Variants in PCDH9 observed in about 807,000 individuals in gnomAD.
PCDH9 encodes the protein protocadherin 9, also known as protocadherin-9.
Under a neutral mutation model 70.6 loss-of-function variants are expected in PCDH9, and 24 were observed. The ratio of observed to expected loss-of-function variants is 0.34; its 90% CI spans 0.25 to 0.48. The LOEUF (loss-of-function observed/expected upper bound fraction) is 0.48, where lower values mean the gene tolerates loss of function less well. Among genes scored for constraint, PCDH9 ranks in the 20% least tolerant of loss-of-function variants. PCDH9 has a pLI of 0.99. For missense variants in PCDH9, 1,281 were observed against 1,503.6 expected, an observed-to-expected ratio of 0.85 and a Z score of 2.45; for synonymous variants, 562 against 558.5, an observed-to-expected ratio of 1.01 and a Z score of -0.09.
chr13:66,378,593 C>T (rs1258714993), intron 4 of PCDH9, among the ~76,000 whole-genome samples: 2 of 152,138 alleles, frequency 1.3e-5, no homozygotes, highest in Admixed American at 1.3e-4. Context: ...TCTAGAATTT[C>T]TTCACCTAGA....
chr13:66,733,807 A>G (rs1410670197), intron 3 of PCDH9, among the ~76,000 whole-genome samples: 1 of 151,998 alleles, frequency 6.6e-6, no homozygotes, highest in Non-Finnish European at 1.5e-5. Context: ...TTTTGTATTC[A>G]TATTCTTACT....
At chr13:66,909,757 G>T (rs774702797) in intron 2 of PCDH9, among the ~76,000 whole-genome samples, 1 of 152,158 alleles carries the variant, frequency 6.6e-6, no homozygotes, top group Non-Finnish European at 1.5e-5. Context: ...TCCTCCAACT[G>T]AACTCTTGGC....
intron 4 of PCDH9, among the ~76,000 whole-genome samples, chr13:66,541,478 A>G (rs1251849357): frequency 1.3e-5 from 2 of 152,040 alleles, no homozygotes; most frequent in Non-Finnish European, 2.9e-5. Context: ...AGGCACTAGG[A>G]AAAAAAATAT....
chr13:66,468,608 A>C (rs773941261), intron 4 of PCDH9, among the ~76,000 whole-genome samples: 3 of 152,122 alleles, frequency 2.0e-5, no homozygotes, highest in Non-Finnish European at 4.4e-5. Flanking sequence ...GTTTCCCAGA[A>C]AGCACATTGC....
chr13:67,103,887 C>T (rs539016360), intron 2 of PCDH9, among the ~76,000 whole-genome samples: 3 of 152,164 alleles, frequency 2.0e-5, no homozygotes, highest in East Asian at 1.9e-4. Context: ...GCTAAGTGAA[C>T]GACTTTGAAT....
intron 4 of PCDH9, among the ~76,000 whole-genome samples, chr13:66,597,478 G>A (rs1034104174): frequency 6.6e-6 from 1 of 151,782 alleles, no homozygotes; most frequent in Non-Finnish European, 1.5e-5. Context: ...ACACAATGGG[G>A]AAAGGATAGT....
At chr13:67,158,038 C>A (rs963469219) in intron 2 of PCDH9, among the ~76,000 whole-genome samples, 6 of 152,142 alleles carry the variant, frequency 3.9e-5, no homozygotes, top group African/African-American at 1.4e-4. Context: ...ACAAAGGTAA[C>A]TGAATGTCAG....
At chr13:66,594,790 T>C (rs1450116122) in intron 4 of PCDH9, among the ~76,000 whole-genome samples, 1 of 151,690 alleles carries the variant, frequency 6.6e-6, no homozygotes, top group African/African-American at 2.4e-5. Context: ...CAGAGGATAA[T>C]GGCTTCCAGC....
chr13:66,518,687 T>C (rs1301881150), intron 4 of PCDH9, among the ~76,000 whole-genome samples: 4 of 152,170 alleles, frequency 2.6e-5, no homozygotes, highest in Admixed American at 2.0e-4. Context: ...TATAAGTTTA[T>C]GGGTAACATA....
At chr13:66,948,925 A>C (rs984571481) in intron 2 of PCDH9, among the ~76,000 whole-genome samples, 12 of 151,212 alleles carry the variant, frequency 7.9e-5, no homozygotes, top group African/African-American at 1.9e-4. Context: ...ACTACGCAGT[A>C]GGGTGTCTAT....
At chr13:66,930,591 T>G (rs1398516665) in intron 2 of PCDH9, among the ~76,000 whole-genome samples, 2 of 152,180 alleles carry the variant, frequency 1.3e-5, no homozygotes, top group Non-Finnish European at 2.9e-5. Context: ...TTGTAGGGAT[T>G]ATGAACAACT....
At chr13:66,998,709 C>A (rs1334711013) in intron 2 of PCDH9, among the ~76,000 whole-genome samples, 1 of 152,148 alleles carries the variant, frequency 6.6e-6, no homozygotes, top group Non-Finnish European at 1.5e-5. Flanking sequence ...GTTGTCTCTG[C>A]AATGTCTCCT....
chr13:66,676,534 A>T (rs1347911689), intron 3 of PCDH9, among the ~76,000 whole-genome samples: 1 of 152,168 alleles, frequency 6.6e-6, no homozygotes, highest in African/African-American at 2.4e-5. Flanking sequence ...GGAAAGTTGT[A>T]GAGAGGCTAC....
intron 4 of PCDH9, among the ~76,000 whole-genome samples, chr13:66,384,685 G>A (rs1956899880): frequency 6.6e-6 from 1 of 152,002 alleles, no homozygotes; most frequent in Non-Finnish European, 1.5e-5. Context: ...ACTTATTTGA[G>A]GTGGAGTTTC....
intron 2 of PCDH9, among the ~76,000 whole-genome samples, chr13:67,054,372 T>C (rs536423390): frequency 6.6e-6 from 1 of 152,264 alleles, no homozygotes; most frequent in Admixed American, 6.5e-5. Context: ...CTTTGGTTAT[T>C]TTATCTTGGA....
intron 4 of PCDH9, among the ~76,000 whole-genome samples, chr13:66,401,642 G>C (rs1048334318): frequency 6.6e-6 from 1 of 151,898 alleles, no homozygotes; most frequent in African/African-American, 2.4e-5. Flanking sequence ...GATCCCTTCA[G>C]ACTTTTTATA....
chr13:66,315,794 C>T (rs1416295204), intron 4 of PCDH9, among the ~76,000 whole-genome samples: 4 of 152,184 alleles, frequency 2.6e-5, no homozygotes, highest in Admixed American at 2.6e-4. Context: ...ACTCTCATTT[C>T]TTAACAGGAC....
At chr13:66,520,824 T>A (rs141429015) in intron 4 of PCDH9, among the ~76,000 whole-genome samples, 357 of 152,256 alleles carry the variant, frequency 2.3e-3, no homozygotes, top group African/African-American at 8.3e-3. Context: ...CCTGTTTCTG[T>A]GACATCAGGA....
chr13:66,591,786 A>G (rs957854671), intron 4 of PCDH9, among the ~76,000 whole-genome samples: 3 of 151,722 alleles, frequency 2.0e-5, no homozygotes, highest in African/African-American at 4.8e-5. Context: ...TTATCTTAAT[A>G]TAAAGTGTTG....
Sources: gnomAD v4.1 joint callset for allele counts (sites outside exome capture counted in the v4.1 genomes callset) on GRCh38, gnomAD v4.1.1 for gene constraint, MANE v1.5 for transcripts, NCBI Gene and HGNC (gene_info 2026-07-23, HGNC 2026-07-21) for gene names.